Variants in CADM2 observed in about 807,000 individuals in gnomAD.
CADM2 encodes cell adhesion molecule 2.
A neutral mutation model predicts 49.8 loss-of-function variants in CADM2; 12 were observed. That is an observed-to-expected ratio of 0.24 (90% CI 0.15 to 0.39). CADM2 has a LOEUF of 0.39. CADM2 is among the 10% of genes least tolerant of loss of function. The pLI is 1.00. For synonymous variants in CADM2, 214 were observed against 175.4 expected, an observed-to-expected ratio of 1.22 and a Z score of -1.74; for missense variants, 378 against 492.3, an observed-to-expected ratio of 0.77 and a Z score of 2.20.
intron 1 of CADM2, among the ~76,000 whole-genome samples, chr3:85,588,068 G>A (rs1241828353): frequency 6.6e-6 from 1 of 151,938 alleles, no homozygotes; most frequent in African/African-American, 2.4e-5. Context: ...TGCATGGCTG[G>A]CAAAATCTTA....
chr3:85,373,587 C>T (rs545172457), intron 1 of CADM2, among the ~76,000 whole-genome samples: 13 of 152,256 alleles, frequency 8.5e-5, no homozygotes, highest in Admixed American at 2.0e-4. Flanking sequence ...GGGTCTCTGA[C>T]CCCACATTTT....
intron 8 of CADM2, among the ~76,000 whole-genome samples, chr3:86,053,347 G>A (rs967753044): frequency 6.6e-6 from 1 of 152,008 alleles, no homozygotes; most frequent in Non-Finnish European, 1.5e-5. Context: ...CATTTTTTGC[G>A]TGTACACTTG....
At chr3:85,902,337 G>C (rs761396396) in intron 5 of CADM2, among the ~76,000 whole-genome samples, 42 of 151,372 alleles carry the variant, frequency 2.8e-4, no homozygotes, top group Non-Finnish European at 6.2e-4. Flanking sequence ...AGTCACTCTA[G>C]CTTTCTATTG....
At chr3:85,077,844 T>A (rs1434671820) in intron 1 of CADM2, among the ~76,000 whole-genome samples, 1 of 152,116 alleles carries the variant, frequency 6.6e-6, no homozygotes, top group Non-Finnish European at 1.5e-5. Flanking sequence ...CCAAATTACA[T>A]ATGAAATATC....
intron 1 of CADM2, among the ~76,000 whole-genome samples, chr3:85,171,472 A>G (rs1465292502): frequency 1.3e-5 from 2 of 152,190 alleles, no homozygotes; most frequent in Non-Finnish European, 1.5e-5. Context: ...GTAAAAATAG[A>G]TTTTCACATT....
chr3:85,258,989 A>G (rs368380837), intron 1 of CADM2, among the ~76,000 whole-genome samples: 3 of 152,266 alleles, frequency 2.0e-5, no homozygotes, highest in Non-Finnish European at 1.5e-5. Flanking sequence ...TGAATGAGAT[A>G]ATGGAAACTT....
chr3:85,407,059 A>C (rs2107457148), intron 1 of CADM2, among the ~76,000 whole-genome samples: 1 of 152,166 alleles, frequency 6.6e-6, no homozygotes, highest in East Asian at 1.9e-4. Context: ...AAAATTAAAC[A>C]GGTGTGGTGG....
intron 1 of CADM2, among the ~76,000 whole-genome samples, chr3:85,024,804 CTG>C (rs1428714128): frequency 4.0e-5 from 6 of 151,842 alleles, no homozygotes; most frequent in South Asian, 2.1e-4. Context: ...ACATAAATAA[CTG>C]TTTGATTCAG....
In CADM2 at chr3:85,483,704, G is replaced by T. The variant is rs1188651614; in HGVS notation, c.62-242818G>T. Among the ~76,000 whole-genome samples, 4 of 150,122 alleles carry T rather than the reference G, an allele frequency of 2.7e-5. No homozygotes were observed. The Admixed American group carries it at 2.7e-4, about 10-fold the overall frequency. On this transcript the variant is annotated intron_variant, in intron 1 of 9. Coordinates refer to ENST00000383699, the MANE Select transcript of CADM2 (RefSeq NM_001167675.2). The stretch of plus-strand genomic sequence containing the variant: ...GAACATATCTAATGCCGTATATCCA[G>T]ATATGTATATAATAGAATAAAATAT...
Position 85,568,667 on chromosome 3 carries a change from A to C in CADM2, c.62-157855A>C, listed in dbSNP as rs374022412. Reference sequence around the variant, plus strand: ...GCCGAGGCTGGAGTGCAGTGGCAGGATCTCGGCTCACTGCAACCTCCGCCT... The same window carrying C: ...GCCGAGGCTGGAGTGCAGTGGCAGGCTCTCGGCTCACTGCAACCTCCGCCT... On this transcript the variant is annotated intron_variant, in intron 1 of 9. Coordinates refer to ENST00000383699, the MANE Select transcript of CADM2 (RefSeq NM_001167675.2). 6.8e-4 allele frequency among the ~76,000 whole-genome samples: 88 copies of C among 129,716 alleles called. 1 individual carries two copies. Among genetic ancestry groups the C allele is most frequent in the African/African-American group, 2.6e-3 (83 of 32,432 alleles). The allele number at this position is 129,716 out of a possible 152,430, so 85.1% of individuals were successfully genotyped here. A position where few individuals can be genotyped will look rare whatever the true frequency, so the allele number is the denominator to read the frequency against.
At chr3:85,950,760 C>T (rs1426503778) in intron 7 of CADM2, among the ~76,000 whole-genome samples, 1 of 151,110 alleles carries the variant, frequency 6.6e-6, no homozygotes. Flanking sequence ...TTAAAATCTA[C>T]TGGTGAAATT....
intron 2 of CADM2, among the ~76,000 whole-genome samples, chr3:85,732,891 A>G (rs1433297032): frequency 6.6e-6 from 1 of 152,218 alleles, no homozygotes; most frequent in Non-Finnish European, 1.5e-5. Context: ...CTTTTAATCT[A>G]TTAAATCCTC....
chr3:85,499,510 T>G (rs1373485228), intron 1 of CADM2, among the ~76,000 whole-genome samples: 1 of 151,586 alleles, frequency 6.6e-6, no homozygotes, highest in African/African-American at 2.4e-5. Flanking sequence ...TTAAATATAT[T>G]TATGATTATA....
intron 5 of CADM2, among the ~76,000 whole-genome samples, chr3:85,893,618 A>T (rs1714784085): frequency 6.6e-6 from 1 of 152,250 alleles, no homozygotes; most frequent in African/African-American, 2.4e-5. Context: ...GCTAATATCC[A>T]GAATCTACAA....
chr3:85,749,623 C>G (rs999273079), intron 2 of CADM2, among the ~76,000 whole-genome samples: 4 of 151,924 alleles, frequency 2.6e-5, no homozygotes, highest in Admixed American at 6.6e-5. Context: ...CTACAGCAAA[C>G]TATAGACAAG....
chr3:85,209,369 T>G (rs2123162), intron 1 of CADM2, among the ~76,000 whole-genome samples: 102,548 of 151,800 alleles, frequency 0.68, 35,513 homozygotes, highest in African/African-American at 0.82. Flanking sequence ...TATTTTTTCT[T>G]TTTTACAGAT....
At chr3:85,195,545 AC>A (rs2041323666) in intron 1 of CADM2, among the ~76,000 whole-genome samples, 1 of 59,636 alleles carries the variant, frequency 1.7e-5, no homozygotes, top group African/African-American at 8.2e-5. Flanking sequence ...CCAGCAAGAC[AC>A]ACACACACAC....
At chr3:85,920,770 A>G (rs1259621627) in intron 6 of CADM2, among the ~76,000 whole-genome samples, 1 of 151,600 alleles carries the variant, frequency 6.6e-6, no homozygotes, top group African/African-American at 2.4e-5. Context: ...TCTTTATATT[A>G]TTAATAGTAC....
At chr3:85,178,705 C>T (rs1197899129) in intron 1 of CADM2, among the ~76,000 whole-genome samples, 3 of 151,630 alleles carry the variant, frequency 2.0e-5, no homozygotes, top group South Asian at 2.1e-4. Flanking sequence ...AACTACTTGG[C>T]GTTGTTTTTT....
Sources: gnomAD v4.1 joint callset for allele counts (sites outside exome capture counted in the v4.1 genomes callset) on GRCh38, gnomAD v4.1.1 for gene constraint, MANE v1.5 for transcripts, NCBI Gene and HGNC (gene_info 2026-07-23, HGNC 2026-07-21) for gene names.